Variants in MYT1 observed in about 807,000 individuals in gnomAD.
MYT1 encodes myelin transcription factor I.
Under a neutral mutation model 123.0 loss-of-function variants are expected in MYT1, and 23 were observed. That is an observed-to-expected ratio of 0.19 (90% CI 0.13 to 0.26). MYT1 has a LOEUF of 0.26. MYT1 is among the 10% of genes least tolerant of loss of function. The pLI is 1.00. For synonymous variants in MYT1, 518 were observed against 575.3 expected (o/e 0.90, Z 1.43); for missense variants, 1,125 against 1,472.5 (o/e 0.76, Z 3.86).
At chr20:64,239,467 G>A (rs1483425658) in intron 21 of MYT1, among the ~76,000 whole-genome samples, 1 of 152,098 alleles carries the variant, frequency 6.6e-6, no homozygotes, top group Admixed American at 6.5e-5. Flanking sequence ...GACTTCTCCT[G>A]CACGGCGGGT....
intron 1 of MYT1, among the ~76,000 whole-genome samples, chr20:64,170,282 G>A (rs1354742136): frequency 2.6e-5 from 4 of 152,044 alleles, no homozygotes; most frequent in Middle Eastern, 3.4e-3. Flanking sequence ...TCCCGCTCTC[G>A]GGATGCAATG....
At chr20:64,187,104 G>C (rs868003242) in intron 1 of MYT1, among the ~76,000 whole-genome samples, 1 of 148,318 alleles carries the variant, frequency 6.7e-6, no homozygotes, top group Non-Finnish European at 1.5e-5. Context: ...CCATGTTTCC[G>C]TGGAGAGTTT....
Position 64,167,360 on chromosome 20 carries a change from C to T in MYT1, c.-99+2621C>T, listed in dbSNP as rs984031759. ...GAAAAGACTGAGCAAGGCTTGTGTC[C>T]ACCCAGTCCCTCTGTCGGGGCTCAG... On this transcript the variant is annotated intron_variant, in intron 1 of 22. Coordinates refer to ENST00000328439, the MANE Select transcript of MYT1 (RefSeq NM_004535.3). This position sits in a 1 kb window ranked among gnomAD's most constrained non-coding sequence, Gnocchi z 6.3. Among the ~76,000 whole-genome samples the T allele has an allele frequency of 2.0e-5, 3 of 152,190 alleles. No individual in the cohort carries two copies. The highest frequency in any genetic ancestry group is 6.5e-5 in the Admixed American group (1 of 15,282).
intron 1 of MYT1, among the ~76,000 whole-genome samples, chr20:64,188,177 A>G (rs2145701696): frequency 6.6e-6 from 1 of 152,314 alleles, no homozygotes; most frequent in East Asian, 1.9e-4. Flanking sequence ...CCCACCAAAC[A>G]AAACTGGAGG....
At chr20:64,225,067 T>A (rs183677791) in intron 16 of MYT1, among the ~76,000 whole-genome samples, 37 of 152,294 alleles carry the variant, frequency 2.4e-4, no homozygotes, top group African/African-American at 8.9e-4. Context: ...CAGCAGGGTT[T>A]GGGCAGGCAG....
intron 1 of MYT1, among the ~76,000 whole-genome samples, chr20:64,171,482 G>A (rs1982277242): frequency 6.6e-6 from 1 of 152,230 alleles, no homozygotes; most frequent in Non-Finnish European, 1.5e-5. Flanking sequence ...GCTTTGTCTG[G>A]CTGCAAATCG....
At position 64,240,355 on chromosome 20, in the gene MYT1, G is replaced by A. The variant is rs1298294702; in HGVS notation, c.3273G>A (p.Val1091=). ...GCGAACAGAATTTCGATGCCTATGT[G>A]AGCACCCTCACCGACATGTACTCCA... is the stretch of plus-strand genomic sequence containing the variant. The part of the protein sequence containing the change: ...PICEQNFDAY[V]STLTDMYSNQ... Residue 1091 remains valine (V), a synonymous_variant, in exon 23 of 23, where the codon GTG becomes GTA. Coordinates refer to ENST00000328439, the MANE Select transcript of MYT1 (RefSeq NM_004535.3). 6.2e-7 allele frequency: 1 copy of A among 1,614,046 alleles called. No homozygotes were observed. Among genetic ancestry groups the A allele is most frequent in the Admixed American group, 1.7e-5 (1 of 60,018 alleles).
At chr20:64,217,959 G>A (rs1568715016) in intron 11 of MYT1, among the ~76,000 whole-genome samples, 1 of 152,234 alleles carries the variant, frequency 6.6e-6, no homozygotes, top group African/African-American at 2.4e-5. Flanking sequence ...AAGTGCATGC[G>A]AAATGGAAAA....
Position 64,212,816 on chromosome 20 carries a change from C to T in MYT1, c.1517+678C>T, listed in dbSNP as rs754972689. 6.6e-6 allele frequency among the ~76,000 whole-genome samples: 1 copy of T among 152,016 alleles called. No individual in the cohort carries two copies. Among genetic ancestry groups the T allele is most frequent in the Non-Finnish European group, 1.5e-5 (1 of 67,996 alleles). ...TGGTGAGGGGGGACTACTCCTCCAG[C>T]CTTACCCTAAGTGCCATGGGTGGCC... is the stretch of plus-strand genomic sequence containing the variant. On this transcript the variant is annotated intron_variant, in intron 9 of 22. Transcript: ENST00000328439. This position sits in a 1 kb window ranked among gnomAD's most constrained non-coding sequence, Gnocchi z 6.8.
intron 2 of MYT1, among the ~76,000 whole-genome samples, chr20:64,198,267 AC>A (rs1349184667): frequency 7.1e-6 from 1 of 141,006 alleles, no homozygotes; most frequent in African/African-American, 2.7e-5. Context: ...AGCCTGGGCG[AC>A]AGAGCGAGAC....
At position 64,232,517 on chromosome 20, in the gene MYT1, G is replaced by A; in HGVS notation, c.2897+132G>A. ...CCAGAGTTGCTCAAGGGAAAGGCCA[G>A]GCCACATGGGTAGCGGATGGGGGAG... On this transcript the variant is annotated intron_variant, in intron 19 of 22. Coordinates refer to ENST00000328439, the MANE Select transcript of MYT1 (RefSeq NM_004535.3). The surrounding 1 kb of genome is among the most constrained non-coding windows in gnomAD (Gnocchi z 6.9). The A allele has an allele frequency of 1.2e-6, 1 of 837,956 alleles. No homozygotes were observed. The allele number at this position is 837,956 out of a possible 1,614,324, so 51.9% of individuals were successfully genotyped here.
chr20:64,170,884 T>TATATATAG (rs1569303821), intron 1 of MYT1, among the ~76,000 whole-genome samples: 10 of 20,006 alleles, frequency 5.0e-4, no homozygotes, highest in Admixed American at 2.1e-3. Context: ...TATATATATA[T>TATATATAG]AGAGAGAGAG....
intron 13 of MYT1, 142 bp from the exon 14 acceptor site, chr20:64,221,751 C>T: frequency 1.2e-6 from 1 of 826,364 alleles, no homozygotes; most frequent in South Asian, 1.8e-5. Context: ...TTAAGTCTTC[C>T]TCCCTTATCC....
chr20:64,198,962 C>G (rs779323629), intron 3 of MYT1, 46 bp downstream of exon 3: 9 of 1,601,880 alleles, frequency 5.6e-6, no homozygotes. Flanking sequence ...TGCCACTTTC[C>G]TCCGCGGTCT....
At chr20:64,206,749 G>A (rs918706941) in intron 6 of MYT1, among the ~76,000 whole-genome samples, 3 of 152,158 alleles carry the variant, frequency 2.0e-5, no homozygotes, top group South Asian at 4.1e-4. Context: ...TATCAAGAAG[G>A]GCGTCTGGGG....
In MYT1 at chr20:64,196,542, T is replaced by G. The variant is rs7265274; in HGVS notation, c.1-2320T>G. On this transcript the variant is annotated intron_variant, in intron 2 of 22. Transcript: ENST00000328439. The surrounding 1 kb of genome is among the most constrained non-coding windows in gnomAD (Gnocchi z 4.3). ...CCAGTGTCCCAAGTCACCCAGCTCT[T>G]ACGGGTTCATTCTCGTATTAAAGAG... is the stretch of plus-strand genomic sequence containing the variant. 0.059 allele frequency among the ~76,000 whole-genome samples: 9,027 copies of G among 152,332 alleles called. 747 individuals carry two copies. The highest frequency in any genetic ancestry group is 0.18 in the African/African-American group (7,387 of 41,546).
rs1982104986 is a variant in MYT1 at position 64,167,121 on chromosome 20, C to T, written c.-99+2382C>T. Among the ~76,000 whole-genome samples, 1 of 152,194 alleles carries T rather than the reference C, an allele frequency of 6.6e-6. No homozygotes were observed. The highest frequency in any genetic ancestry group is 1.5e-5 in the Non-Finnish European group (1 of 68,032). The stretch of plus-strand genomic sequence containing the variant: ...GGGTCAGAGCCTGACTAACTGTCTT[C>T]CTGGTGCTGCTCAGTCTGGTGATGT... On this transcript the variant is annotated intron_variant, in intron 1 of 22. Coordinates refer to ENST00000328439, the MANE Select transcript of MYT1 (RefSeq NM_004535.3). The surrounding 1 kb of genome is among the most constrained non-coding windows in gnomAD (Gnocchi z 6.3).
chr20:64,222,975 A>T lies in MYT1; in HGVS notation c.2397-136A>T, dbSNP rs1349441215. 3 of 862,988 alleles carry T rather than the reference A, an allele frequency of 3.5e-6. No individual in the cohort carries two copies. The African/African-American group carries it at 4.9e-5, about 14-fold the overall frequency. 53.5% of individuals were successfully genotyped at this position (862,988 alleles called of 1,614,324 possible). On this transcript the variant is annotated intron_variant, in intron 14 of 22. Coordinates refer to ENST00000328439, the MANE Select transcript of MYT1 (RefSeq NM_004535.3). ...GAGAGGCACCGGCTGTCCTCCAAGG[A>T]CTGAGTGGAGGAGGGGCCACCGCTT...
rs762846637 is a variant in MYT1 at position 64,166,154 on chromosome 20, G to C, written c.-99+1415G>C. Among the ~76,000 whole-genome samples the C allele has an allele frequency of 1.3e-5, 2 of 152,166 alleles. No individual in the cohort carries two copies. The highest frequency in any genetic ancestry group is 2.9e-5 in the Non-Finnish European group (2 of 68,026). Reference sequence around the variant, plus strand: ...CTTCCATATGGCCCTGTTAATTAACGGTAAACAAAAGAGTAAGAGAGCAGG... The same window carrying C: ...CTTCCATATGGCCCTGTTAATTAACCGTAAACAAAAGAGTAAGAGAGCAGG... On this transcript the variant is annotated intron_variant, in intron 1 of 22. Coordinates refer to ENST00000328439, the MANE Select transcript of MYT1 (RefSeq NM_004535.3). The surrounding 1 kb of genome is among the most constrained non-coding windows in gnomAD (Gnocchi z 4.9).
Sources: allele counts gnomAD v4.1 joint callset (sites outside exome capture counted in the v4.1 genomes callset), GRCh38; gene constraint gnomAD v4.1.1; non-coding constraint Gnocchi (gnomAD v3.1); transcripts MANE v1.5; gene names NCBI Gene and HGNC (gene_info 2026-07-23, HGNC 2026-07-21).